The following CNTN5 variants were observed in gnomAD, a reference collection of about 807,000 sequenced individuals.
CNTN5 encodes contactin 5.
In CNTN5, 77 loss-of-function variants were observed where a neutral mutation model predicts 129.1. The observed-to-expected ratio is 0.60, with a 90% CI of 0.50 to 0.72. The LOEUF is 0.72. CNTN5 is among the 30% of genes least tolerant of loss of function. The pLI is 0.00. For synonymous variants in CNTN5, 509 were observed against 465.6 expected (o/e 1.09, Z -1.20); for missense variants, 1,478 against 1,328.8 (o/e 1.11, Z -1.75).
At chr11:99,046,264 C>T (rs1175487568) in intron 1 of CNTN5, among the ~76,000 whole-genome samples, 1 of 152,068 alleles carries the variant, frequency 6.6e-6, no homozygotes, top group African/African-American at 2.4e-5. Context: ...CGCTTGAACC[C>T]AGGAGGTGGA....
At chr11:100,306,278 CA>C (rs1380974274) in intron 20 of CNTN5, among the ~76,000 whole-genome samples, 1 of 151,552 alleles carries the variant, frequency 6.6e-6, no homozygotes, top group African/African-American at 2.4e-5. Context: ...TTTACTTTAA[CA>C]TTTTTTTAAA....
At chr11:99,333,297 C>G (rs531952033) in intron 2 of CNTN5, among the ~76,000 whole-genome samples, 1 of 152,048 alleles carries the variant, frequency 6.6e-6, no homozygotes, top group East Asian at 1.9e-4. Context: ...ATTTAGGTGA[C>G]TTTTGGGGCT....
At chr11:99,439,519 C>A (rs893919846) in intron 2 of CNTN5, among the ~76,000 whole-genome samples, 9 of 151,682 alleles carry the variant, frequency 5.9e-5, no homozygotes, top group Non-Finnish European at 1.5e-5. Flanking sequence ...ACCAGCCTGG[C>A]CAACATGGTG....
intron 1 of CNTN5, among the ~76,000 whole-genome samples, chr11:99,058,136 T>C (rs886659215): frequency 1.3e-5 from 2 of 151,992 alleles, no homozygotes; most frequent in African/African-American, 4.8e-5. Context: ...CTATAAAGAC[T>C]ATGTATTTTA....
chr11:99,328,164 C>T lies in CNTN5; in HGVS notation c.-71+2680C>T, dbSNP rs139824056. ...TTTGAAGAGAAAAAATTTCTCATAT[C>T]GTTTGCGACATAAGTATTGTGTAAA... On this transcript the variant is annotated intron_variant, in intron 2 of 24. Transcript: ENST00000524871. Among the ~76,000 whole-genome samples the T allele has an allele frequency of 2.1e-3, 327 of 152,230 alleles. 3 individuals carry two copies. Among genetic ancestry groups the T allele is most frequent in the Non-Finnish European group, 1.4e-3 (94 of 68,020 alleles).
Position 99,359,377 on chromosome 11 carries a change from C to T in CNTN5, c.-71+33893C>T, listed in dbSNP as rs867637734. 1.5e-4 allele frequency among the ~76,000 whole-genome samples: 23 copies of T among 152,092 alleles called. 1 individual carries two copies. Among genetic ancestry groups the T allele is most frequent in the Middle Eastern group, 3.4e-3 (1 of 294 alleles). On this transcript the variant is annotated intron_variant, in intron 2 of 24. Coordinates refer to ENST00000524871, the MANE Select transcript of CNTN5 (RefSeq NM_014361.4). ...CAGAGTCCTCATGACCGAATCACCT[C>T]TCAGAGACCCCACCTCCTAATACTA...
At chr11:99,992,494 CAG>C (rs1268070190) in intron 8 of CNTN5, among the ~76,000 whole-genome samples, 5 of 152,130 alleles carry the variant, frequency 3.3e-5, no homozygotes. Flanking sequence ...TGAGAAAAAT[CAG>C]AGTAAAGAAA....
At chr11:99,169,716 T>A (rs1254872129) in intron 1 of CNTN5, among the ~76,000 whole-genome samples, 1 of 152,106 alleles carries the variant, frequency 6.6e-6, no homozygotes, top group Non-Finnish European at 1.5e-5. Context: ...AGGGTTTACA[T>A]GCAAATGATT....
intron 2 of CNTN5, among the ~76,000 whole-genome samples, chr11:99,441,891 T>C (rs1271994590): frequency 1.3e-5 from 2 of 152,142 alleles, no homozygotes; most frequent in Non-Finnish European, 2.9e-5. Context: ...TCCATCAGTG[T>C]CCAGCCCATC....
intron 9 of CNTN5, among the ~76,000 whole-genome samples, chr11:100,009,045 A>G (rs1296540891): frequency 6.6e-6 from 1 of 152,094 alleles, no homozygotes; most frequent in Non-Finnish European, 1.5e-5. Flanking sequence ...CTTTAAGAAA[A>G]AAGAAAACAA....
chr11:99,033,193 A>G (rs1333034035), intron 1 of CNTN5, among the ~76,000 whole-genome samples: 1 of 151,178 alleles, frequency 6.6e-6, no homozygotes, highest in Non-Finnish European at 1.5e-5. Flanking sequence ...GTTTGAAGTC[A>G]GGTAGTGTGA....
In CNTN5 at chr11:99,266,880, C is replaced by A. The variant is rs1019482477; in HGVS notation, c.-209-58466C>A. On this transcript the variant is annotated intron_variant, in intron 1 of 24. Transcript: ENST00000524871. ...GATAAGTATGCGCAACCTCAAATAA[C>A]AAAAATAAGAGCTGCAGTGTTTTTA... Among the ~76,000 whole-genome samples, 2 of 151,988 alleles carry A rather than the reference C, an allele frequency of 1.3e-5. 1 individual carries two copies. Among genetic ancestry groups the A allele is most frequent in the African/African-American group, 4.8e-5 (2 of 41,502 alleles).
intron 1 of CNTN5, among the ~76,000 whole-genome samples, chr11:99,193,842 A>G (rs759226324): frequency 1.3e-5 from 2 of 152,188 alleles, no homozygotes; most frequent in Non-Finnish European, 2.9e-5. Context: ...TAAGCTCATC[A>G]TTCAAAAATT....
chr11:99,530,579 G>A (rs533988934), intron 2 of CNTN5, among the ~76,000 whole-genome samples: 1 of 152,280 alleles, frequency 6.6e-6, no homozygotes. Flanking sequence ...TAATTACACA[G>A]CTTCCATACT....
intron 7 of CNTN5, among the ~76,000 whole-genome samples, chr11:99,925,480 C>T (rs1950040412): frequency 6.6e-6 from 1 of 152,092 alleles, no homozygotes; most frequent in South Asian, 2.1e-4. Context: ...TATAGTATAT[C>T]CAGTTTGGAA....
rs1218196413 is a variant in CNTN5, at chr11:99,206,106, C to T, written c.-209-119240C>T. Reference sequence around the variant, plus strand: ...ATTTTACAGCCACCTTTGGTTTTCTCGAGTTTTCCTAGAAATGTCCTGTGT... The same window carrying T: ...ATTTTACAGCCACCTTTGGTTTTCTTGAGTTTTCCTAGAAATGTCCTGTGT... On this transcript the variant is annotated intron_variant, in intron 1 of 24. Transcript: ENST00000524871. 5.9e-5 allele frequency among the ~76,000 whole-genome samples: 9 copies of T among 152,190 alleles called. No individual in the cohort carries two copies. In the East Asian group the frequency reaches 1.7e-3, roughly 29 times the overall value.
chr11:99,981,803 A>C (rs1364747535), intron 8 of CNTN5, among the ~76,000 whole-genome samples: 2 of 152,206 alleles, frequency 1.3e-5, no homozygotes, highest in African/African-American at 4.8e-5. Context: ...ACTAGCTCTT[A>C]TCACTATGCT....
intron 10 of CNTN5, 138 bp from the exon 11 acceptor site, chr11:100,070,286 T>C (rs1591178165): frequency 2.5e-6 from 2 of 786,196 alleles, no homozygotes; most frequent in East Asian, 5.5e-5. Flanking sequence ...TGTAACGCAA[T>C]GCTGTGCTTC....
At chr11:99,354,218 C>T (rs1307306803) in intron 2 of CNTN5, among the ~76,000 whole-genome samples, 1 of 152,120 alleles carries the variant, frequency 6.6e-6, no homozygotes. Flanking sequence ...CTACATTATG[C>T]TACATGAACC....
Sources: gnomAD v4.1 joint callset for allele counts (sites outside exome capture counted in the v4.1 genomes callset) on GRCh38, gnomAD v4.1.1 for gene constraint, MANE v1.5 for transcripts, NCBI Gene and HGNC (gene_info 2026-07-23, HGNC 2026-07-21) for gene names.